Variants in CADM2 observed in about 807,000 individuals in gnomAD.
CADM2 encodes the protein cell adhesion molecule 2.
Under a neutral mutation model 49.8 loss-of-function variants are expected in CADM2, and 12 were observed. That is an observed-to-expected ratio of 0.24 (90% CI 0.15 to 0.39). The LOEUF (loss-of-function observed/expected upper bound fraction) is 0.39. CADM2 is among the 10% of genes least tolerant of loss of function. The pLI is 1.00. For missense variants in CADM2, 378 were observed against 492.3 expected, an observed-to-expected ratio of 0.77 and a Z score of 2.20; for synonymous variants, 214 against 175.4, an observed-to-expected ratio of 1.22 and a Z score of -1.74.
chr3:85,007,285 CA>C (rs2033778797), intron 1 of CADM2, among the ~76,000 whole-genome samples: 2 of 151,954 alleles, frequency 1.3e-5, no homozygotes, highest in Admixed American at 1.3e-4. Flanking sequence ...AGTGTGAGGT[CA>C]GCAATTTTTT....
intron 8 of CADM2, among the ~76,000 whole-genome samples, chr3:86,044,393 G>A (rs1245279700): frequency 6.6e-6 from 1 of 152,142 alleles, no homozygotes; most frequent in Non-Finnish European, 1.5e-5. Flanking sequence ...ATCAACAAGT[G>A]GACGAAGGAT....
At chr3:86,064,953 C>T (rs1167994076) in intron 8 of CADM2, among the ~76,000 whole-genome samples, 1 of 152,174 alleles carries the variant, frequency 6.6e-6, no homozygotes, top group Non-Finnish European at 1.5e-5. Flanking sequence ...TCAACCCCTG[C>T]TTTCCCGCCA....
chr3:85,914,863 G>A (rs1718074639), intron 6 of CADM2, among the ~76,000 whole-genome samples: 1 of 152,150 alleles, frequency 6.6e-6, no homozygotes, highest in Non-Finnish European at 1.5e-5. Flanking sequence ...AGTGATGGGT[G>A]TATGAGTAAC....
At chr3:85,422,846 C>T (rs956902654) in intron 1 of CADM2, among the ~76,000 whole-genome samples, 2 of 151,878 alleles carry the variant, frequency 1.3e-5, no homozygotes, top group Admixed American at 1.3e-4. Flanking sequence ...TTCAACCCCA[C>T]GGCAGTGTCT....
intron 1 of CADM2, among the ~76,000 whole-genome samples, chr3:85,308,929 T>G (rs1368183413): frequency 2.0e-5 from 3 of 152,090 alleles, no homozygotes; most frequent in African/African-American, 7.2e-5. Context: ...AAAATTATTT[T>G]TATAGTCAGT....
At chr3:85,047,319 G>A (rs1310615693) in intron 1 of CADM2, among the ~76,000 whole-genome samples, 1 of 152,050 alleles carries the variant, frequency 6.6e-6, no homozygotes, top group Non-Finnish European at 1.5e-5. Flanking sequence ...AGAGAACACG[G>A]TATAGTGCAA....
chr3:85,451,170 T>G (rs1392222336), intron 1 of CADM2, among the ~76,000 whole-genome samples: 2 of 152,192 alleles, frequency 1.3e-5, no homozygotes, highest in East Asian at 3.9e-4. Flanking sequence ...ATCTGTTTAT[T>G]TACATTTCAC....
intron 1 of CADM2, among the ~76,000 whole-genome samples, chr3:85,454,981 T>C (rs993339103): frequency 6.6e-6 from 1 of 152,196 alleles, no homozygotes; most frequent in Non-Finnish European, 1.5e-5. Flanking sequence ...TCATTGCAGA[T>C]AGAAATCTTA....
intron 1 of CADM2, among the ~76,000 whole-genome samples, chr3:85,699,200 C>A (rs1051682360): frequency 2.0e-4 from 31 of 152,188 alleles, no homozygotes; most frequent in African/African-American, 5.3e-4. Flanking sequence ...AGCTCTGCCC[C>A]TGTGACTTTG....
chr3:85,863,901 A>T (rs571442812), intron 3 of CADM2, among the ~76,000 whole-genome samples: 81 of 152,292 alleles, frequency 5.3e-4, no homozygotes, highest in African/African-American at 1.9e-3. Flanking sequence ...TTCTGGTTGC[A>T]TTTGAGTCCC....
intron 1 of CADM2, among the ~76,000 whole-genome samples, chr3:85,304,055 C>T (rs985498573): frequency 4.0e-5 from 6 of 151,774 alleles, no homozygotes; most frequent in African/African-American, 1.4e-4. Flanking sequence ...TTTAAAGACA[C>T]AAATATTAAG....
intron 1 of CADM2, among the ~76,000 whole-genome samples, chr3:85,256,357 T>C (rs981169519): frequency 5.9e-5 from 9 of 152,086 alleles, no homozygotes; most frequent in African/African-American, 1.9e-4. Context: ...AGATCAGCAG[T>C]ACCTGTAGGA....
At chr3:85,212,864 T>TCTCTCTCTCTCTCTCTCTC (rs1220821527) in intron 1 of CADM2, among the ~76,000 whole-genome samples, 1 of 107,180 alleles carries the variant, frequency 9.3e-6, no homozygotes, top group Admixed American at 9.9e-5. Context: ...CTTTCTTTCT[T>TCTCTCTCTCTCTCTCTCTC]TCTTTCTTTC....
intron 1 of CADM2, among the ~76,000 whole-genome samples, chr3:85,155,779 A>G (rs2040091204): frequency 6.6e-6 from 1 of 152,222 alleles, no homozygotes; most frequent in Non-Finnish European, 1.5e-5. Context: ...ACTCAGGATT[A>G]AGAATCTCAC....
intron 1 of CADM2, among the ~76,000 whole-genome samples, chr3:85,724,819 T>C (rs1204611479): frequency 6.6e-6 from 1 of 151,936 alleles, no homozygotes; most frequent in African/African-American, 2.4e-5. Context: ...TAATTTTTGA[T>C]ATATATCAAT....
chr3:85,592,102 G>T (rs1426537742), intron 1 of CADM2, among the ~76,000 whole-genome samples: 1 of 151,866 alleles, frequency 6.6e-6, no homozygotes, highest in Non-Finnish European at 1.5e-5. Flanking sequence ...GCAAATGTTT[G>T]CAAAGAGTAA....
chr3:85,641,216 G>T (rs1310884756), intron 1 of CADM2, among the ~76,000 whole-genome samples: 1 of 152,088 alleles, frequency 6.6e-6, no homozygotes, highest in Non-Finnish European at 1.5e-5. Flanking sequence ...AAAAACTAGT[G>T]ATAGAAGTAT....
chr3:85,184,287 G>C (rs575519995), intron 1 of CADM2, among the ~76,000 whole-genome samples: 14 of 152,232 alleles, frequency 9.2e-5, no homozygotes, highest in Middle Eastern at 3.4e-3. Context: ...GGTTTGCAAA[G>C]AACTGCAGAA....
At chr3:85,586,593 G>T (rs2107320725) in intron 1 of CADM2, among the ~76,000 whole-genome samples, 1 of 152,112 alleles carries the variant, frequency 6.6e-6, no homozygotes, top group East Asian at 1.9e-4. Flanking sequence ...TATCTTGGGA[G>T]CCCAAATATC....
Sources: gnomAD v4.1 joint callset for allele counts (sites outside exome capture counted in the v4.1 genomes callset) on GRCh38, gnomAD v4.1.1 for gene constraint, MANE v1.5 for transcripts, NCBI Gene and HGNC (gene_info 2026-07-23, HGNC 2026-07-21) for gene names.